Variants in CDYL observed in about 807,000 individuals in gnomAD.
CDYL encodes chromodomain Y-like protein.
A neutral mutation model predicts 47.3 loss-of-function variants in CDYL; 8 were observed. The observed-to-expected ratio is 0.17, with a 90% CI of 0.10 to 0.31. The LOEUF (loss-of-function observed/expected upper bound fraction) is 0.31. Among genes scored for constraint, CDYL ranks in the 10% least tolerant of loss-of-function variants. The probability of loss-of-function intolerance (pLI) is 1.00; values close to 1 mark genes in which losing one functional copy is unlikely to be tolerated. For synonymous variants in CDYL, 266 were observed against 265.0 expected (o/e 1.00, Z -0.04); for missense variants, 471 against 701.4 (o/e 0.67, Z 3.71).
At chr6:4,721,646 G>C (rs144694127) in intron 2 of CDYL, among the ~76,000 whole-genome samples, 1 of 152,130 alleles carries the variant, frequency 6.6e-6, no homozygotes, top group Non-Finnish European at 1.5e-5. Flanking sequence ...CTCCAAAAGT[G>C]CTGGGACTAC....
chr6:4,733,432 A>G (rs1204777473), intron 2 of CDYL, among the ~76,000 whole-genome samples: 1 of 152,180 alleles, frequency 6.6e-6, no homozygotes, highest in Non-Finnish European at 1.5e-5. Context: ...TAAAAAAAAA[A>G]AAAAGAAAAA....
intron 1 of CDYL, among the ~76,000 whole-genome samples, chr6:4,806,856 C>T (rs1216831820): frequency 6.6e-6 from 1 of 152,194 alleles, no homozygotes; most frequent in Non-Finnish European, 1.5e-5. Flanking sequence ...TCTCCTTGGG[C>T]AGCCGTAATA....
Position 4,787,011 on chromosome 6 carries a change from G to A in CDYL, c.24+10204G>A, listed in dbSNP as rs367720924. Among the ~76,000 whole-genome samples, 126 of 152,262 alleles carry A rather than the reference G, an allele frequency of 8.3e-4. 2 individuals are homozygous for A. Among genetic ancestry groups the A allele is most frequent in the African/African-American group, 2.8e-3 (117 of 41,546 alleles). ...TGGCCTGGGAAGTAGAAGAATGGCT[G>A]CCCACTTGTGTTTGTGTTACCTGGC... On this transcript the variant is annotated intron_variant, in intron 1 of 6. Coordinates refer to ENST00000397588, the MANE Select transcript of CDYL (RefSeq NM_004824.4).
chr6:4,732,735 A>G (rs9392633), intron 2 of CDYL, among the ~76,000 whole-genome samples: 19,951 of 150,818 alleles, frequency 0.13, 1,736 homozygotes, highest in African/African-American at 0.25. Context: ...AAAAGGTAAT[A>G]AGAAAAAACA....
rs1284547926 is a variant in CDYL, at chr6:4,797,487, G to A, written c.24+20680G>A. ...AGAATTTCTCCTTTTAAAGTATGTAGTTCACTGGTTTTTAGTGTATTCACA... is the reference window on the plus strand; with the variant it reads ...AGAATTTCTCCTTTTAAAGTATGTAATTCACTGGTTTTTAGTGTATTCACA... On this transcript the variant is annotated intron_variant, in intron 1 of 6. Coordinates refer to ENST00000397588, the MANE Select transcript of CDYL (RefSeq NM_004824.4). 2.0e-5 allele frequency among the ~76,000 whole-genome samples: 3 copies of A among 148,132 alleles called. No homozygotes were observed. In the Admixed American group the frequency reaches 2.0e-4, roughly 10 times the overall value.
chr6:4,933,487 G>C (rs1264347264), intron 2 of CDYL, among the ~76,000 whole-genome samples: 1 of 147,970 alleles, frequency 6.8e-6, no homozygotes, highest in Non-Finnish European at 1.5e-5. Flanking sequence ...CCAGTTGAAT[G>C]GGTTGAAGAA....
At chr6:4,880,829 T>G (rs58938392) in intron 1 of CDYL, among the ~76,000 whole-genome samples, 5,432 of 152,342 alleles carry the variant, frequency 0.036, 329 homozygotes, top group African/African-American at 0.12. Context: ...TATGTCATCT[T>G]TGGGGAGATG....
At chr6:4,884,971 A>G (rs1401890304) in intron 1 of CDYL, among the ~76,000 whole-genome samples, 2 of 152,110 alleles carry the variant, frequency 1.3e-5, no homozygotes, top group African/African-American at 2.4e-5. Context: ...AAAATATTAA[A>G]TGGAAAATTT....
chr6:4,731,785 CA>C (rs1203842871), intron 2 of CDYL, among the ~76,000 whole-genome samples: 1 of 151,626 alleles, frequency 6.6e-6, no homozygotes, highest in Non-Finnish European at 1.5e-5. Flanking sequence ...CGCACCACTG[CA>C]CTCCAGCCTG....
intron 2 of CDYL, among the ~76,000 whole-genome samples, chr6:4,900,795 A>AGATATAGATATATATCTATATC (rs1561697527): frequency 1.2e-4 from 7 of 59,968 alleles, no homozygotes; most frequent in African/African-American, 5.0e-4. Context: ...ATATATATAT[A>AGATATAGATATATATCTATATC]TATATATATA....
At chr6:4,731,654 C>T (rs563068885) in intron 2 of CDYL, among the ~76,000 whole-genome samples, 1 of 152,122 alleles carries the variant, frequency 6.6e-6, no homozygotes, top group South Asian at 2.1e-4. Flanking sequence ...CAATAATTAG[C>T]CAGATGCGGT....
chr6:4,849,518 T>G (rs1427838810), intron 1 of CDYL, among the ~76,000 whole-genome samples: 1 of 152,166 alleles, frequency 6.6e-6, no homozygotes, highest in Non-Finnish European at 1.5e-5. Context: ...TTAAGTCTTT[T>G]GTATGTTATG....
At chr6:4,830,919 C>A (rs899074967) in intron 1 of CDYL, among the ~76,000 whole-genome samples, 2 of 152,138 alleles carry the variant, frequency 1.3e-5, no homozygotes, top group African/African-American at 4.8e-5. Context: ...CATGTCCCTA[C>A]AAAGGACCTG....
intron 2 of CDYL, among the ~76,000 whole-genome samples, chr6:4,901,913 CT>C (rs1393310812): frequency 2.0e-5 from 3 of 152,194 alleles, no homozygotes; most frequent in Admixed American, 1.3e-4. Flanking sequence ...TCAGGCCATC[CT>C]TCCCGCATGG....
At chr6:4,915,544 A>G (rs547712443) in intron 2 of CDYL, among the ~76,000 whole-genome samples, 5 of 152,180 alleles carry the variant, frequency 3.3e-5, no homozygotes, top group Non-Finnish European at 7.4e-5. Flanking sequence ...TTTAGACACA[A>G]CTGACTAGCA....
intron 2 of CDYL, among the ~76,000 whole-genome samples, chr6:4,893,781 C>G (rs987779013): frequency 1.3e-5 from 2 of 151,960 alleles, no homozygotes; most frequent in Non-Finnish European, 2.9e-5. Context: ...AAACAAAATA[C>G]AATGGTGTTG....
intron 1 of CDYL, among the ~76,000 whole-genome samples, chr6:4,844,016 G>A (rs1361181147): frequency 1.3e-5 from 2 of 152,136 alleles, no homozygotes; most frequent in African/African-American, 4.8e-5. Flanking sequence ...GTCCCATGGG[G>A]TGCTCCCTTG....
At chr6:4,824,970 A>G (rs1029966973) in intron 1 of CDYL, among the ~76,000 whole-genome samples, 1 of 151,950 alleles carries the variant, frequency 6.6e-6, no homozygotes, top group African/African-American at 2.4e-5. Context: ...TCCTGAGTTC[A>G]AGCAATTTTT....
At chr6:4,916,606 CG>C (rs11313942) in intron 2 of CDYL, among the ~76,000 whole-genome samples, 131,846 of 151,294 alleles carry the variant, frequency 0.87, 57,557 homozygotes, top group Admixed American at 0.92. Context: ...CCAGATGTAT[CG>C]GGGGGGGGCG....
Sources: allele counts gnomAD v4.1 joint callset (sites outside exome capture counted in the v4.1 genomes callset), GRCh38; gene constraint gnomAD v4.1.1; transcripts MANE v1.5; gene names NCBI Gene and HGNC (gene_info 2026-07-23, HGNC 2026-07-21).